BNC2: variants seen among roughly 807,000 people sequenced by gnomAD.
BNC2 encodes basonuclin zinc finger protein 2, also known as zinc finger protein basonuclin-2.
Under a neutral mutation model 76.3 loss-of-function variants are expected in BNC2, and 20 were observed. The observed-to-expected ratio is 0.26, with a 90% confidence interval of 0.18 to 0.38. BNC2 has a LOEUF of 0.38. Ranked by LOEUF, BNC2 falls within the 10% of genes least tolerant of loss-of-function variation. The pLI, the probability that BNC2 is intolerant of heterozygous loss-of-function variation, is 1.00. For synonymous variants in BNC2, 582 were observed against 514.8 expected, an observed-to-expected ratio of 1.13 and a Z score of -1.77; for missense variants, 1,382 against 1,399.8, an observed-to-expected ratio of 0.99 and a Z score of 0.20.
intron 4 of BNC2, among the ~76,000 whole-genome samples, chr9:16,577,763 G>A (rs1480955878): frequency 1.3e-5 from 2 of 152,166 alleles, no homozygotes; most frequent in Non-Finnish European, 2.9e-5. Context: ...CAAAATTCCA[G>A]TGCAACAAGC....
At chr9:16,805,023 T>C (rs948493345) in intron 1 of BNC2, among the ~76,000 whole-genome samples, 6 of 151,898 alleles carry the variant, frequency 4.0e-5, no homozygotes, top group African/African-American at 4.8e-5. Flanking sequence ...GACCACGCCA[T>C]TGCACTCCAG....
At chr9:16,807,248 A>G (rs1478070085) in intron 1 of BNC2, among the ~76,000 whole-genome samples, 1 of 152,226 alleles carries the variant, frequency 6.6e-6, no homozygotes, top group Non-Finnish European at 1.5e-5. Flanking sequence ...ATGAATAAGA[A>G]TAATGGCAAA....
At chr9:16,555,910 C>T (rs1818815898) in intron 4 of BNC2, among the ~76,000 whole-genome samples, 1 of 152,188 alleles carries the variant, frequency 6.6e-6, no homozygotes, top group African/African-American at 2.4e-5. Context: ...GTGGGTTATG[C>T]ATTCTCTTTC....
chr9:16,824,832 G>C (rs149710249), intron 1 of BNC2, among the ~76,000 whole-genome samples: 1 of 152,180 alleles, frequency 6.6e-6, no homozygotes, highest in Non-Finnish European at 1.5e-5. Context: ...ACAGATACAA[G>C]AGGACTGTTA....
rs376030025 is a variant in BNC2 at position 16,435,992 on chromosome 9, G to A, written c.2202C>T (p.Gly734=). The change falls in exon 6 of 7, where the codon GGC becomes GGT. Residue 734 remains glycine, a synonymous_variant. Coordinates refer to ENST00000380672, the MANE Select transcript of BNC2 (RefSeq NM_017637.6). The stretch of plus-strand genomic sequence containing the variant: ...GCTCATCCCCTTCCATGGATTCCTC[G>A]CCCAGTTTGGGCTCCGAAGACTCAG... ...NESESSEPKL[G]EESMEGDEHI... is the part of the protein sequence containing the mutation. The A allele has an allele frequency of 3.6e-5, 58 of 1,613,902 alleles. No homozygotes were observed. The Middle Eastern group carries it at 6.6e-4, about 18-fold the overall frequency.
At chr9:16,557,670 G>A (rs940218067) in intron 4 of BNC2, among the ~76,000 whole-genome samples, 1 of 152,018 alleles carries the variant, frequency 6.6e-6, no homozygotes, top group African/African-American at 2.4e-5. Context: ...AAGTATCTCA[G>A]TGGGCTGAAC....
chr9:16,495,249 G>C (rs1039758490), intron 5 of BNC2, among the ~76,000 whole-genome samples: 1 of 152,178 alleles, frequency 6.6e-6, no homozygotes, highest in African/African-American at 2.4e-5. Flanking sequence ...GGCCTAACAT[G>C]AGAGAGGGTA....
intron 1 of BNC2, among the ~76,000 whole-genome samples, chr9:16,836,517 GAA>G (rs34325739): frequency 8.9e-5 from 11 of 123,024 alleles, no homozygotes; most frequent in Admixed American, 2.4e-4. Flanking sequence ...CCTTTCAGGA[GAA>G]AAAAAAAAAA....
intron 1 of BNC2, among the ~76,000 whole-genome samples, chr9:16,810,127 G>T (rs1406747500): frequency 6.6e-6 from 1 of 152,102 alleles, no homozygotes; most frequent in Non-Finnish European, 1.5e-5. Flanking sequence ...AGCCACTAAG[G>T]TAACTTATGG....
chr9:16,463,995 G>C (rs931423165), intron 5 of BNC2, among the ~76,000 whole-genome samples: 2 of 141,190 alleles, frequency 1.4e-5, no homozygotes, highest in Admixed American at 7.9e-5. Flanking sequence ...ACTTGAGGCT[G>C]AAACAAGAGA....
chr9:16,504,970 T>C (rs987723662), intron 5 of BNC2, among the ~76,000 whole-genome samples: 1 of 152,192 alleles, frequency 6.6e-6, no homozygotes, highest in Non-Finnish European at 1.5e-5. Context: ...CTTTATCATG[T>C]AGTAGGTAAA....
At chr9:16,427,776 C>T (rs774581968) in intron 6 of BNC2, among the ~76,000 whole-genome samples, 45 of 152,180 alleles carry the variant, frequency 3.0e-4, no homozygotes, top group Admixed American at 2.8e-3. Flanking sequence ...AATCTAACTA[C>T]AGGGTAAACA....
intron 1 of BNC2, among the ~76,000 whole-genome samples, chr9:16,776,999 G>A (rs1372151056): frequency 3.3e-5 from 5 of 151,938 alleles, no homozygotes; most frequent in South Asian, 2.1e-4. Flanking sequence ...GGTGGCACAC[G>A]CCTGTAATCC....
chr9:16,434,306 G>A (rs944356899), intron 6 of BNC2, among the ~76,000 whole-genome samples: 17 of 152,130 alleles, frequency 1.1e-4, no homozygotes, highest in African/African-American at 4.1e-4. Flanking sequence ...TCCAGGGACA[G>A]GACACTACTT....
Position 16,616,837 on chromosome 9 carries a change from A to AAGGAAGGAAGGAAGGAAGGAAGTT in BNC2, c.331-33753_331-33752insAACTTCCTTCCTTCCTTCCTTCCT, listed in dbSNP as rs1431416345. Among the ~76,000 whole-genome samples the AAGGAAGGAAGGAAGGAAGGAAGTT allele has an allele frequency of 1.7e-4, 25 of 150,036 alleles. No homozygotes were observed. In the South Asian group the frequency reaches 1.7e-3, roughly 10 times the overall value. On this transcript the variant is annotated intron_variant, in intron 3 of 6. Coordinates refer to ENST00000380672, the MANE Select transcript of BNC2 (RefSeq NM_017637.6). ...GAAGGAAGAAAGGAAGGAAGGAAGG[A>AAGGAAGGAAGGAAGGAAGGAAGTT]AGTTCTACTGACACGTGGGAATTTC...
At chr9:16,434,926 A>G (rs556147150) in intron 6 of BNC2, 139 of 469,054 alleles carry the variant, frequency 3.0e-4, no homozygotes, top group African/African-American at 2.4e-3. Flanking sequence ...ATTTTCCCAC[A>G]TCAACAATTA....
At position 16,418,873 on chromosome 9, in the gene BNC2, G is replaced by GCGCA. The variant is rs139614646; in HGVS notation, c.*115_*116insTGCG. 96 of 880,976 alleles carry GCGCA rather than the reference G, an allele frequency of 1.1e-4. No individual in the cohort carries two copies. Among genetic ancestry groups the GCGCA allele is most frequent in the African/African-American group, 2.0e-4 (11 of 56,192 alleles). 54.6% of individuals were successfully genotyped at this position (880,976 alleles called of 1,614,324 possible). On this transcript the variant is annotated 3_prime_UTR_variant, in exon 7 of 7. Transcript: ENST00000380672. ...ATGTAGCCACAGAGCATACATAAAT[G>GCGCA]CACACACACACACACACACACACAC...
At chr9:16,638,620 G>C (rs796443833) in intron 3 of BNC2, among the ~76,000 whole-genome samples, 2 of 151,912 alleles carry the variant, frequency 1.3e-5, no homozygotes, top group African/African-American at 4.8e-5. Flanking sequence ...TTACATATAG[G>C]TTATGTTATC....
intron 1 of BNC2, among the ~76,000 whole-genome samples, chr9:16,785,682 C>T (rs1193040516): frequency 1.3e-5 from 2 of 151,596 alleles, no homozygotes; most frequent in Non-Finnish European, 2.9e-5. Flanking sequence ...AGCCACCACG[C>T]CCAGCCTATG....
Sources: gnomAD v4.1 joint callset for allele counts (sites outside exome capture counted in the v4.1 genomes callset) on GRCh38, gnomAD v4.1.1 for gene constraint, MANE v1.5 for transcripts, NCBI Gene and HGNC (gene_info 2026-07-23, HGNC 2026-07-21) for gene names.